The following CIT variants were observed in gnomAD, a reference collection of about 807,000 sequenced individuals.
The protein encoded by CIT is citron Rho-interacting kinase.
In CIT, 79 loss-of-function variants were observed where a neutral mutation model predicts 272.7. That is an observed-to-expected ratio of 0.29 (90% CI 0.24 to 0.35). The LOEUF is 0.35. CIT is among the 10% of genes least tolerant of loss of function. The pLI, the probability that CIT is intolerant of heterozygous loss-of-function variation, is 1.00. For synonymous variants in CIT, 948 were observed against 995.6 expected, an observed-to-expected ratio of 0.95 and a Z score of 0.90; for missense variants, 1,909 against 2,618.3, an observed-to-expected ratio of 0.73 and a Z score of 5.91.
chr12:119,767,035 G>T, intron 19 of CIT, 52 bp downstream of exon 19: 1 of 1,351,616 alleles, frequency 7.4e-7, no homozygotes, highest in Non-Finnish European at 1.0e-6. Flanking sequence ...AGAGATGGGA[G>T]CTACATGGTA....
intron 3 of CIT, among the ~76,000 whole-genome samples, chr12:119,863,700 T>C (rs2138358356): frequency 6.6e-6 from 1 of 151,878 alleles, no homozygotes; most frequent in East Asian, 1.9e-4. Context: ...CTAATTTTTG[T>C]ATTTTTAGTA....
chr12:119,700,885 A>G, intron 43 of CIT, 60 bp from the exon 44 acceptor site: 1 of 1,345,118 alleles, frequency 7.4e-7, no homozygotes, highest in Non-Finnish European at 1.1e-6. Flanking sequence ...CATCAGCGAC[A>G]CACATGGTGA....
Position 119,711,206 on chromosome 12 carries a change from T to C in CIT, c.4855-586A>G, listed in dbSNP as rs562420690. ...AAAGCCCTTTTCAGGAGGCTTGTGG[T>C]TAAGAATCTGCCAATTGCTAACACA... On this transcript the variant is annotated intron_variant, in intron 37 of 47. Transcript: ENST00000392521. 1.4e-5 allele frequency: 11 copies of C among 793,662 alleles called. No individual in the cohort carries two copies. The South Asian group carries it at 1.5e-4, about 11-fold the overall frequency. 49.2% of individuals were successfully genotyped at this position (793,662 alleles called of 1,614,324 possible).
At chr12:119,865,468 TCA>T (rs1373827452) in intron 3 of CIT, among the ~76,000 whole-genome samples, 3 of 152,216 alleles carry the variant, frequency 2.0e-5, no homozygotes, top group Admixed American at 2.0e-4. Context: ...TTGTTGACAT[TCA>T]CAGTTATTAA....
chr12:119,703,891 T>C (rs777404532), intron 41 of CIT, among the ~76,000 whole-genome samples: 4 of 152,180 alleles, frequency 2.6e-5, no homozygotes, highest in Non-Finnish European at 5.9e-5. Flanking sequence ...CACAGCTCAC[T>C]CTGCTCCGAA....
chr12:119,819,696 T>TCCCCC (rs1249925053), intron 9 of CIT, among the ~76,000 whole-genome samples: 1 of 152,208 alleles, frequency 6.6e-6, no homozygotes, highest in Non-Finnish European at 1.5e-5. Context: ...TTAAGCAGCA[T>TCCCCC]CCATGAACTT....
chr12:119,744,493 C>T (rs990511486), intron 23 of CIT, among the ~76,000 whole-genome samples: 6 of 151,164 alleles, frequency 4.0e-5, no homozygotes, highest in Non-Finnish European at 2.9e-5. Context: ...GAAGCCGAGG[C>T]GGGCAGATCA....
chr12:119,760,474 A>C (rs538202276), intron 20 of CIT, among the ~76,000 whole-genome samples: 9 of 152,112 alleles, frequency 5.9e-5, no homozygotes, highest in Non-Finnish European at 8.8e-5. Flanking sequence ...AGAAAACTTA[A>C]AAATTAGGTA....
intron 44 of CIT, among the ~76,000 whole-genome samples, chr12:119,700,363 T>C (rs557958129): frequency 1.3e-5 from 2 of 152,092 alleles, no homozygotes; most frequent in Non-Finnish European, 2.9e-5. Context: ...AAGAAAAAAA[T>C]TTCCACTTGC....
intron 28 of CIT, among the ~76,000 whole-genome samples, chr12:119,724,647 A>C (rs1031865086): frequency 3.3e-5 from 5 of 152,268 alleles, no homozygotes; most frequent in Admixed American, 2.0e-4. Flanking sequence ...GTGGCTATAA[A>C]GTGTCATGTT....
chr12:119,777,375 C>A (rs747508771), intron 13 of CIT, among the ~76,000 whole-genome samples: 3 of 151,310 alleles, frequency 2.0e-5, no homozygotes, highest in East Asian at 3.9e-4. Flanking sequence ...AAATATTAAA[C>A]CTTAAAACTG....
intron 28 of CIT, among the ~76,000 whole-genome samples, chr12:119,723,311 C>G (rs1957900336): frequency 6.6e-6 from 1 of 150,442 alleles, no homozygotes. Flanking sequence ...TGTTTGGTGA[C>G]AGCCGAGCCC....
At position 119,710,990 on chromosome 12, in the gene CIT, A is replaced by C; in HGVS notation, c.4855-370T>G. ...AAGACTCCTTCCCCCATAAGGCTGC[A>C]GCAGAAGTGCAAAGGCGCCGTGTTA... On this transcript the variant is annotated intron_variant, in intron 37 of 47. Coordinates refer to ENST00000392521, the MANE Select transcript of CIT (RefSeq NM_001206999.2). The surrounding 1 kb of genome is among the most constrained non-coding windows in gnomAD (Gnocchi z 5.6). 3 of 1,323,936 alleles carry C rather than the reference A, an allele frequency of 2.3e-6. No homozygotes were observed. Among genetic ancestry groups the C allele is most frequent in the Non-Finnish European group, 3.1e-6 (3 of 983,398 alleles). The allele number at this position is 1,323,936 out of a possible 1,614,324, so 82.0% of individuals were successfully genotyped here. A position where few individuals can be genotyped will look rare whatever the true frequency, so the allele number is the denominator to read the frequency against.
chr12:119,821,162 G>A (rs1050186287), intron 9 of CIT, among the ~76,000 whole-genome samples: 1 of 151,910 alleles, frequency 6.6e-6, no homozygotes, highest in East Asian at 1.9e-4. Context: ...GGGTGTGGTG[G>A]TGCATGCCTA....
In CIT at chr12:119,768,858, T is replaced by C. The variant is rs1240891352; in HGVS notation, c.2209-1676A>G. Among the ~76,000 whole-genome samples the C allele has an allele frequency of 6.6e-6, 1 of 152,232 alleles. No homozygotes were observed. The highest frequency in any genetic ancestry group is 1.5e-5 in the Non-Finnish European group (1 of 68,048). On this transcript the variant is annotated intron_variant, in intron 18 of 47. Coordinates refer to ENST00000392521, the MANE Select transcript of CIT (RefSeq NM_001206999.2). The surrounding 1 kb of genome is among the most constrained non-coding windows in gnomAD (Gnocchi z 4.3). ...TTTTAAAGCCAATGACATTTGGCGA[T>C]GTATGTTCAGGCATCATCATTACAT...
At chr12:119,688,712 G>C (rs149376754) in intron 47 of CIT, among the ~76,000 whole-genome samples, 50 of 152,294 alleles carry the variant, frequency 3.3e-4, no homozygotes, top group Non-Finnish European at 5.9e-4. Flanking sequence ...GGAGCCCCTG[G>C]TCTTCCACAC....
intron 9 of CIT, among the ~76,000 whole-genome samples, chr12:119,815,964 G>A (rs1037320470): frequency 3.3e-5 from 5 of 152,178 alleles, no homozygotes; most frequent in African/African-American, 1.2e-4. Flanking sequence ...AGAGAATTTA[G>A]AGTCAGGGAG....
chr12:119,689,315 G>C (rs1955785734), intron 47 of CIT, among the ~76,000 whole-genome samples: 1 of 151,426 alleles, frequency 6.6e-6, no homozygotes, highest in African/African-American at 2.4e-5. Context: ...CCAGGAGTTT[G>C]AGGCTGCCGT....
Position 119,713,781 on chromosome 12 carries a change from C to G in CIT, c.4307-133G>C, listed in dbSNP as rs1004466688. On this transcript the variant is annotated intron_variant, in intron 33 of 47. Coordinates refer to ENST00000392521, the MANE Select transcript of CIT (RefSeq NM_001206999.2). The surrounding 1 kb of genome is among the most constrained non-coding windows in gnomAD (Gnocchi z 5.2). ...AGTCTGGCCCTGGCTTGCAGGTAGT[C>G]TCCTGAGCTTCCCCTGGTGCCAGGC... The G allele has an allele frequency of 2.2e-6, 2 of 901,506 alleles. No homozygotes were observed. Among genetic ancestry groups the G allele is most frequent in the African/African-American group, 3.3e-5 (2 of 60,506 alleles). 55.8% of individuals were successfully genotyped at this position (901,506 alleles called of 1,614,324 possible). A position where few individuals can be genotyped will look rare whatever the true frequency, so the allele number is the denominator to read the frequency against.
Sources: allele counts gnomAD v4.1 joint callset (sites outside exome capture counted in the v4.1 genomes callset), GRCh38; gene constraint gnomAD v4.1.1; non-coding constraint Gnocchi (gnomAD v3.1); transcripts MANE v1.5; gene names NCBI Gene and HGNC (gene_info 2026-07-23, HGNC 2026-07-21).